Variants in ATP8B4 observed in about 807,000 individuals in gnomAD.
The protein encoded by ATP8B4 is probable phospholipid-transporting ATPase IM.
A neutral mutation model predicts 145.6 loss-of-function variants in ATP8B4; 133 were observed. The observed-to-expected ratio is 0.91, with a 90% CI of 0.79 to 1.05. The LOEUF (loss-of-function observed/expected upper bound fraction) is 1.05, where lower values mean the gene tolerates loss of function less well. Ranked by LOEUF, ATP8B4 falls within the 50% of genes least tolerant of loss-of-function variation. The pLI is 0.00. For missense variants in ATP8B4, 1,458 were observed against 1,425.2 expected (o/e 1.02, Z -0.37); for synonymous variants, 507 against 492.9 (o/e 1.03, Z -0.38).
intron 9 of ATP8B4, among the ~76,000 whole-genome samples, chr15:49,991,798 A>G (rs2047064766): frequency 6.6e-6 from 1 of 152,210 alleles, no homozygotes; most frequent in Non-Finnish European, 1.5e-5. Context: ...AAAATCACTG[A>G]GAACATTGCT....
At chr15:50,004,708 AGGCCC>A (rs1379896758) in intron 7 of ATP8B4, among the ~76,000 whole-genome samples, 1 of 152,212 alleles carries the variant, frequency 6.6e-6, no homozygotes, top group Non-Finnish European at 1.5e-5. Flanking sequence ...GAGCAAAGTA[AGGCCC>A]AGAGGGCTTC....
intron 24 of ATP8B4, among the ~76,000 whole-genome samples, chr15:49,878,980 C>T (rs974610391): frequency 2.6e-5 from 4 of 152,116 alleles, no homozygotes; most frequent in African/African-American, 9.7e-5. Flanking sequence ...AGCATTTCCC[C>T]GTGTGTGAAC....
At chr15:50,022,091 GA>G (rs2049621735) in intron 6 of ATP8B4, among the ~76,000 whole-genome samples, 1 of 151,674 alleles carries the variant, frequency 6.6e-6, no homozygotes, top group African/African-American at 2.4e-5. Context: ...TTTTCCAAAG[GA>G]AAAAAGTGGA....
intron 5 of ATP8B4, among the ~76,000 whole-genome samples, chr15:50,040,901 G>A (rs2051227450): frequency 6.6e-6 from 1 of 152,202 alleles, no homozygotes; most frequent in African/African-American, 2.4e-5. Context: ...TACTCCCTGT[G>A]AGCTAGGTTC....
At chr15:50,049,922 T>G (rs1262461131) in intron 3 of ATP8B4, among the ~76,000 whole-genome samples, 1 of 152,198 alleles carries the variant, frequency 6.6e-6, no homozygotes, top group African/African-American at 2.4e-5. Context: ...GTATTTAGCA[T>G]TTTTTCATAT....
intron 1 of ATP8B4, among the ~76,000 whole-genome samples, chr15:50,163,447 C>A (rs1008538461): frequency 6.6e-6 from 1 of 152,218 alleles, no homozygotes; most frequent in Admixed American, 6.5e-5. Flanking sequence ...CAGGCAGATA[C>A]ACTTGTTCTA....
At chr15:50,095,871 T>C (rs966825213) in intron 2 of ATP8B4, among the ~76,000 whole-genome samples, 4 of 152,152 alleles carry the variant, frequency 2.6e-5, no homozygotes, top group Non-Finnish European at 4.4e-5. Context: ...ATTTTCAAAG[T>C]AGAAATAAAG....
At chr15:50,072,968 CTCTCTCTCTCTCTATATATATATATATA>C (rs2053889290) in intron 3 of ATP8B4, among the ~76,000 whole-genome samples, 10 of 32,940 alleles carry the variant, frequency 3.0e-4, no homozygotes, top group Non-Finnish European at 5.4e-4. Context: ...CTCTCTCTCT[CTCTCTCTCTCTCTATATATATATATATA>C]TATATATATA....
intron 2 of ATP8B4, among the ~76,000 whole-genome samples, chr15:50,093,601 G>A (rs1043323821): frequency 2.0e-5 from 3 of 151,822 alleles, no homozygotes; most frequent in African/African-American, 7.3e-5. Context: ...GAAAATCAAT[G>A]AATAACAACA....
At chr15:49,995,510 T>C (rs1478750060) in intron 9 of ATP8B4, among the ~76,000 whole-genome samples, 4 of 152,142 alleles carry the variant, frequency 2.6e-5, no homozygotes, top group African/African-American at 9.7e-5. Flanking sequence ...CGGAGGAATT[T>C]TTTTTTCTAT....
intron 2 of ATP8B4, among the ~76,000 whole-genome samples, chr15:50,089,533 C>G (rs1007888952): frequency 1.3e-5 from 2 of 152,148 alleles, no homozygotes; most frequent in Non-Finnish European, 1.5e-5. Flanking sequence ...CTCAACATCA[C>G]TGATTATTAG....
chr15:50,150,817 C>T (rs1262994737), intron 1 of ATP8B4, among the ~76,000 whole-genome samples: 2 of 152,126 alleles, frequency 1.3e-5, no homozygotes, highest in African/African-American at 4.8e-5. Context: ...TTCTAATTTG[C>T]ATAATGGTTT....
Position 49,996,712 on chromosome 15 carries a change from A to G in ATP8B4, c.554T>C (p.Leu185Pro), listed in dbSNP as rs762738397. 21 of 1,610,844 alleles carry G rather than the reference A, an allele frequency of 1.3e-5. No individual in the cohort carries two copies. Among genetic ancestry groups the G allele is most frequent in the Non-Finnish European group, 1.8e-5 (21 of 1,177,764 alleles). Residue 185 changes from leucine (L) to proline (P), a missense_variant, in exon 9 of 28, where the codon CTT becomes CCT. By Grantham distance (98) the Leu-to-Pro change is moderately conservative. Coordinates refer to ENST00000284509, the MANE Select transcript of ATP8B4 (RefSeq NM_024837.4). ...VRHALSVTSE[L>P]GADISRLAGF... The stretch of plus-strand genomic sequence containing the variant: ...TGCAAGTCTGCTGATATCTGCTCCA[A>G]GTTCTGAAGTAACTGATAGTGCATG...
intron 3 of ATP8B4, among the ~76,000 whole-genome samples, chr15:50,072,689 G>A (rs1340248639): frequency 2.6e-5 from 4 of 151,668 alleles, no homozygotes; most frequent in East Asian, 3.9e-4. Flanking sequence ...GCAATGGTGC[G>A]ATCTTGGCTC....
intron 26 of ATP8B4, among the ~76,000 whole-genome samples, chr15:49,864,266 A>G (rs1041990905): frequency 1.3e-5 from 2 of 152,236 alleles, no homozygotes; most frequent in Non-Finnish European, 2.9e-5. Flanking sequence ...AAATTGAATT[A>G]CAATTTCAGG....
intron 6 of ATP8B4, among the ~76,000 whole-genome samples, chr15:50,023,319 C>T (rs1248847909): frequency 3.3e-5 from 5 of 152,128 alleles, no homozygotes; most frequent in Non-Finnish European, 7.3e-5. Flanking sequence ...CAGGAGATTT[C>T]GTGCCAGGGA....
chr15:50,131,369 G>C (rs2057344816), intron 1 of ATP8B4, among the ~76,000 whole-genome samples: 1 of 152,136 alleles, frequency 6.6e-6, no homozygotes, highest in East Asian at 1.9e-4. Flanking sequence ...AAGAATCAGA[G>C]AAACAGAGAG....
At chr15:50,138,466 TAGATAGACAGAC>T (rs1567403176) in intron 1 of ATP8B4, among the ~76,000 whole-genome samples, 5 of 151,526 alleles carry the variant, frequency 3.3e-5, no homozygotes, top group South Asian at 2.1e-4. Context: ...GATAGACAGA[TAGATAGACAGAC>T]AGATAGATAG....
intron 6 of ATP8B4, among the ~76,000 whole-genome samples, chr15:50,015,370 G>A (rs2049012532): frequency 6.6e-6 from 1 of 152,214 alleles, no homozygotes; most frequent in Non-Finnish European, 1.5e-5. Context: ...AAGAAGAATA[G>A]AAGCAGAAAG....
Sources: gnomAD v4.1 joint callset for allele counts (sites outside exome capture counted in the v4.1 genomes callset) on GRCh38, gnomAD v4.1.1 for gene constraint, MANE v1.5 for transcripts, NCBI Gene and HGNC (gene_info 2026-07-23, HGNC 2026-07-21) for gene names.